The following SSH2 variants were observed in gnomAD, a reference collection of about 807,000 sequenced individuals.
SSH2 encodes the protein protein phosphatase Slingshot homolog 2.
Under a neutral mutation model 135.2 loss-of-function variants are expected in SSH2, and 37 were observed. The ratio of observed to expected loss-of-function variants is 0.27; its 90% CI spans 0.21 to 0.36. The LOEUF (loss-of-function observed/expected upper bound fraction) is 0.36, where lower values mean the gene tolerates loss of function less well. Ranked by LOEUF, SSH2 falls within the 10% of genes least tolerant of loss-of-function variation. The pLI, the probability that SSH2 is intolerant of heterozygous loss-of-function variation, is 1.00. For missense variants in SSH2, 1,408 were observed against 1,765.3 expected, an observed-to-expected ratio of 0.80 and a Z score of 3.63; for synonymous variants, 628 against 646.2, an observed-to-expected ratio of 0.97 and a Z score of 0.43.
rs150817536 is a variant in SSH2, at chr17:29,632,705, A to G, written c.2489T>C (p.Met830Thr). The change falls in exon 16 of 16, where the codon ATG becomes ACG. Residue 830 changes from methionine to threonine, a missense_variant. This residue lies in a region of SSH2 where 1,080 missense variants were observed against 1,144.5 expected (regional missense o/e 0.94). Transcript: ENST00000540801. ...TGTGCAGGAGTCCTCATCTTGCTCC[A>G]TATGTCCAGGTTTGTTCTCTGGAGT... is the stretch of plus-strand genomic sequence containing the variant. ...AQTPENKPGHMEQDEDSCTAQ... is the reference protein window; with the variant it reads ...AQTPENKPGHTEQDEDSCTAQ... 7.4e-6 allele frequency: 12 copies of G among 1,614,120 alleles called. No homozygotes were observed. Among genetic ancestry groups the G allele is most frequent in the Non-Finnish European group, 1.0e-5 (12 of 1,180,028 alleles).
chr17:29,860,228 G>T (rs1249159975), intron 1 of SSH2, among the ~76,000 whole-genome samples: 6 of 152,122 alleles, frequency 3.9e-5, no homozygotes, highest in African/African-American at 1.4e-4. Context: ...CACTAACAGT[G>T]TATAAGCATT....
chr17:29,835,658 C>T (rs1224332424), intron 2 of SSH2, among the ~76,000 whole-genome samples: 2 of 152,192 alleles, frequency 1.3e-5, no homozygotes, highest in Non-Finnish European at 2.9e-5. Flanking sequence ...TGCAAATGCA[C>T]CTAGTGCAGC....
chr17:29,857,156 G>A (rs976968242), intron 1 of SSH2, among the ~76,000 whole-genome samples: 15 of 152,154 alleles, frequency 9.9e-5, no homozygotes, highest in Non-Finnish European at 1.9e-4. Flanking sequence ...TTTTCACGCT[G>A]CTGACAAAGA....
intron 14 of SSH2, among the ~76,000 whole-genome samples, chr17:29,641,174 G>C (rs987104213): frequency 6.6e-6 from 1 of 152,066 alleles, no homozygotes; most frequent in African/African-American, 2.4e-5. Context: ...GCCTCCCAAA[G>C]TGTTGGCATT....
chr17:29,729,703 A>T (rs1224870473), intron 3 of SSH2, among the ~76,000 whole-genome samples: 1 of 152,244 alleles, frequency 6.6e-6, no homozygotes, highest in Non-Finnish European at 1.5e-5. Context: ...CTATTCAGCT[A>T]TAAAAAGAAT....
chr17:29,781,891 G>A (rs1160224009), intron 3 of SSH2, among the ~76,000 whole-genome samples: 2 of 151,494 alleles, frequency 1.3e-5, no homozygotes, highest in African/African-American at 4.9e-5. Flanking sequence ...CCAGGCTGGA[G>A]TACAGTGGCA....
Position 29,742,319 on chromosome 17 carries a change from CT to C in SSH2, c.189-39258del, listed in dbSNP as rs891136307. On this transcript the variant is annotated intron_variant, in intron 3 of 15. Transcript: ENST00000540801. ...AATCACTCACCCAGGGCAAGTTCTT[CT>C]TTTTTTTTTTTTTTTTGAGACAGGT... Among the ~76,000 whole-genome samples the C allele has an allele frequency of 3.1e-3, 402 of 129,642 alleles. 2 individuals are homozygous for C. Among genetic ancestry groups the C allele is most frequent in the Admixed American group, 0.012 (162 of 12,998 alleles). The allele number at this position is 129,642 out of a possible 152,430, so 85.1% of individuals were successfully genotyped here. A position where few individuals can be genotyped will look rare whatever the true frequency, so the allele number is the denominator to read the frequency against.
chr17:29,635,609 C>G (rs572864667), intron 15 of SSH2, among the ~76,000 whole-genome samples: 1 of 151,916 alleles, frequency 6.6e-6, no homozygotes, highest in Non-Finnish European at 1.5e-5. Context: ...GGGGTTTCAC[C>G]GTGTTAGCCA....
intron 15 of SSH2, among the ~76,000 whole-genome samples, chr17:29,635,416 T>A (rs2035861853): frequency 1.3e-5 from 2 of 152,120 alleles, no homozygotes; most frequent in Admixed American, 1.3e-4. Context: ...ACTTCTTTTT[T>A]TTTTTGAGAC....
chr17:29,877,295 A>G (rs1413113879), intron 1 of SSH2, among the ~76,000 whole-genome samples: 1 of 152,238 alleles, frequency 6.6e-6, no homozygotes, highest in Non-Finnish European at 1.5e-5. Flanking sequence ...TAATACAACC[A>G]CTATGGAGAA....
At chr17:29,863,993 A>T (rs2065809497) in intron 1 of SSH2, 2 of 152,128 alleles carry the variant, frequency 1.3e-5, no homozygotes, top group Non-Finnish European at 2.9e-5. Context: ...TAGGTAAAGC[A>T]TTTCAGATTT....
intron 1 of SSH2, among the ~76,000 whole-genome samples, chr17:29,916,589 T>C (rs567807985): frequency 2.6e-5 from 4 of 151,526 alleles, no homozygotes; most frequent in African/African-American, 9.7e-5. Flanking sequence ...GCCTCCAGAG[T>C]AGCTGGGATA....
chr17:29,910,503 T>C (rs2066747624), intron 1 of SSH2, among the ~76,000 whole-genome samples: 1 of 152,178 alleles, frequency 6.6e-6, no homozygotes, highest in Non-Finnish European at 1.5e-5. Flanking sequence ...ATTCAGAGAG[T>C]AAGTGTACAA....
chr17:29,755,170 T>C (rs1281231427), intron 3 of SSH2, among the ~76,000 whole-genome samples: 2 of 152,204 alleles, frequency 1.3e-5, no homozygotes, highest in Admixed American at 6.5e-5. Context: ...AGTTCAGCTT[T>C]TTGTTTTACT....
Position 29,874,040 on chromosome 17 carries a change from C to T in SSH2, c.64-25111G>A, listed in dbSNP as rs532499250. On this transcript the variant is annotated intron_variant, in intron 1 of 15. Coordinates refer to ENST00000540801, the MANE Select transcript of SSH2 (RefSeq NM_001282129.2). ...GGGCGCAGCAGCTCATGCCTGTAATCCCAGCACTTCGGGAGGCTGAGGTGG... is the reference window on the plus strand; with the variant it reads ...GGGCGCAGCAGCTCATGCCTGTAATTCCAGCACTTCGGGAGGCTGAGGTGG... 1.2e-3 allele frequency among the ~76,000 whole-genome samples: 185 copies of T among 152,234 alleles called. 1 individual carries two copies. The highest frequency in any genetic ancestry group is 5.8e-3 in the Admixed American group (88 of 15,298).
At chr17:29,890,883 G>A (rs1353888181) in intron 1 of SSH2, among the ~76,000 whole-genome samples, 1 of 152,012 alleles carries the variant, frequency 6.6e-6, no homozygotes, top group East Asian at 1.9e-4. Context: ...AGCCTCCCGA[G>A]TAGCTGGGAC....
chr17:29,788,739 T>G (rs985132812), intron 3 of SSH2, among the ~76,000 whole-genome samples: 1 of 152,044 alleles, frequency 6.6e-6, no homozygotes, highest in Non-Finnish European at 1.5e-5. Context: ...ATACAGATAT[T>G]GGTCCTGAGA....
intron 4 of SSH2, among the ~76,000 whole-genome samples, chr17:29,696,306 A>G (rs901801427): frequency 1.3e-5 from 2 of 149,818 alleles, no homozygotes; most frequent in Admixed American, 6.7e-5. Flanking sequence ...ACATGCATAT[A>G]TGTATATAAA....
intron 9 of SSH2, among the ~76,000 whole-genome samples, chr17:29,670,052 T>C (rs2037430657): frequency 6.6e-6 from 1 of 152,018 alleles, no homozygotes. Context: ...TGGCTAATTT[T>C]TCTATTTTTA....
Sources: gnomAD v4.1 joint callset for allele counts (sites outside exome capture counted in the v4.1 genomes callset) on GRCh38, gnomAD v4.1.1 for gene constraint, gnomAD v4.1.1 regional missense constraint, MANE v1.5 for transcripts, NCBI Gene and HGNC (gene_info 2026-07-23, HGNC 2026-07-21) for gene names.